SERPINB5: variants seen among roughly 807,000 people sequenced by gnomAD.
The protein encoded by SERPINB5 is serpin family B member 5, also known as serpin B5.
A neutral mutation model predicts 32.2 loss-of-function variants in SERPINB5; 27 were observed. The observed-to-expected ratio is 0.84, with a 90% CI of 0.62 to 1.16. SERPINB5 has a LOEUF of 1.16. Among genes scored for constraint, SERPINB5 ranks in the 50% most tolerant of loss-of-function variants. SERPINB5 has a pLI of 0.00. For missense variants in SERPINB5, 388 were observed against 436.3 expected (o/e 0.89, Z 0.99); for synonymous variants, 154 against 157.4 (o/e 0.98, Z 0.16).
intron 6 of SERPINB5, among the ~76,000 whole-genome samples, chr18:63,501,638 G>A (rs1909573964): frequency 1.3e-5 from 2 of 152,182 alleles, no homozygotes; most frequent in Admixed American, 6.5e-5. Flanking sequence ...CACAGTGGTT[G>A]AACTTGTTTA....
At chr18:63,490,612 C>T (rs148104061) in intron 4 of SERPINB5, 46 of 152,310 alleles carry the variant, frequency 3.0e-4, no homozygotes, top group African/African-American at 9.4e-4. Context: ...CTGGCGCCCC[C>T]AGCTACTCTG....
chr18:63,484,977 T>G (rs535940085), intron 2 of SERPINB5, among the ~76,000 whole-genome samples: 38 of 152,126 alleles, frequency 2.5e-4, no homozygotes, highest in Admixed American at 4.6e-4. Context: ...TGACTTCAGG[T>G]GATCCGCCTG....
At chr18:63,483,237 A>G (rs949397179) in intron 1 of SERPINB5, among the ~76,000 whole-genome samples, 4 of 152,194 alleles carry the variant, frequency 2.6e-5, no homozygotes, top group South Asian at 2.1e-4. Context: ...TACTTATTAT[A>G]CCACTCACAT....
intron 4 of SERPINB5, among the ~76,000 whole-genome samples, chr18:63,491,572 T>G (rs6567362): frequency 0.5 from 75,069 of 150,918 alleles, 20,322 homozygotes; most frequent in Non-Finnish European, 0.62. Flanking sequence ...CCTCCCAGGT[T>G]CAAGGGATTC....
chr18:63,478,649 T>G (rs377075039), intron 1 of SERPINB5, among the ~76,000 whole-genome samples: 12 of 152,218 alleles, frequency 7.9e-5, no homozygotes, highest in African/African-American at 2.9e-4. Flanking sequence ...CCCTAAGGAC[T>G]GGTTATACCA....
chr18:63,493,441 G>C, intron 5 of SERPINB5: 1 of 496,304 alleles, frequency 2.0e-6, no homozygotes, highest in Admixed American at 3.7e-5. Context: ...AGAGGACTTT[G>C]GATTATCATG....
At chr18:63,496,265 T>G (rs1310325357) in intron 5 of SERPINB5, among the ~76,000 whole-genome samples, 1 of 152,204 alleles carries the variant, frequency 6.6e-6, no homozygotes, top group East Asian at 1.9e-4. Flanking sequence ...GTTGGAGATT[T>G]TTAGACAAAT....
chr18:63,478,758 G>GTTTTTTTTTTTTTTTTT (rs10669993), intron 1 of SERPINB5, among the ~76,000 whole-genome samples: 3 of 135,380 alleles, frequency 2.2e-5, no homozygotes, highest in Non-Finnish European at 4.6e-5. Context: ...TAAAAACGTA[G>GTTTTTTTTTTTTTTTTT]TTTTTTTTTT....
At chr18:63,502,007 T>G (rs1337768759) in intron 6 of SERPINB5, among the ~76,000 whole-genome samples, 5 of 152,204 alleles carry the variant, frequency 3.3e-5, no homozygotes, top group African/African-American at 1.2e-4. Context: ...CTGTTCACTC[T>G]GATGGTAGTT....
chr18:63,493,110 A>T lies in SERPINB5; in HGVS notation c.567+15A>T. The T allele has an allele frequency of 6.2e-7, 1 of 1,614,180 alleles. No individual in the cohort carries two copies. Among genetic ancestry groups the T allele is most frequent in the Non-Finnish European group, 8.5e-7 (1 of 1,180,026 alleles). On this transcript the variant is annotated intron_variant, in intron 5 of 6. Coordinates refer to ENST00000382771, the MANE Select transcript of SERPINB5 (RefSeq NM_002639.5). Reference sequence around the variant, plus strand: ...GAGTCAACAAGGTATGTGGGGCAGCATGTAGCAGTAAAAGGAGCCCAATTA... The same window carrying T: ...GAGTCAACAAGGTATGTGGGGCAGCTTGTAGCAGTAAAAGGAGCCCAATTA...
At chr18:63,480,985 G>C (rs752588902) in intron 1 of SERPINB5, among the ~76,000 whole-genome samples, 2 of 152,170 alleles carry the variant, frequency 1.3e-5, no homozygotes, top group Non-Finnish European at 2.9e-5. Context: ...ATCTCTTTGC[G>C]TTCATGCACT....
intron 1 of SERPINB5, among the ~76,000 whole-genome samples, chr18:63,481,993 T>C (rs1368438670): frequency 6.6e-6 from 1 of 152,184 alleles, no homozygotes; most frequent in Admixed American, 6.5e-5. Context: ...CCTGAGCGCA[T>C]GGCTGTACTT....
chr18:63,482,449 G>A (rs1166849309), intron 1 of SERPINB5, among the ~76,000 whole-genome samples: 9 of 152,152 alleles, frequency 5.9e-5, no homozygotes, highest in African/African-American at 2.2e-4. Context: ...GGAACACTTC[G>A]AGTTTAATCC....
chr18:63,493,526 C>T lies in SERPINB5; in HGVS notation c.567+431C>T, dbSNP rs969207961. 3.1e-5 allele frequency: 10 copies of T among 326,768 alleles called. 1 individual carries two copies. The South Asian group carries it at 5.8e-4, about 19-fold the overall frequency. The allele number at this position is 326,768 out of a possible 1,614,324, so 20.2% of individuals were successfully genotyped here. Reference sequence around the variant, plus strand: ...ATCTCATTTCCTTATCGGTTGATAGCGAAGTATATTGTTCTGGGATTTTAA... The same window carrying T: ...ATCTCATTTCCTTATCGGTTGATAGTGAAGTATATTGTTCTGGGATTTTAA... On this transcript the variant is annotated intron_variant, in intron 5 of 6. Coordinates refer to ENST00000382771, the MANE Select transcript of SERPINB5 (RefSeq NM_002639.5).
intron 5 of SERPINB5, chr18:63,497,046 G>A (rs1909462135): frequency 7.1e-6 from 4 of 564,318 alleles, no homozygotes; most frequent in Admixed American, 1.9e-5. Flanking sequence ...TTGTACTAGG[G>A]GTCTAATCCG....
intron 5 of SERPINB5, 148 bp downstream of exon 5, chr18:63,493,243 A>G: frequency 1.0e-6 from 1 of 985,038 alleles, no homozygotes; most frequent in Non-Finnish European, 1.6e-6. Context: ...GCTGGAAGGT[A>G]AGTGGTACAA....
At chr18:63,485,211 GT>G (rs1260362896) in intron 2 of SERPINB5, among the ~76,000 whole-genome samples, 4 of 152,144 alleles carry the variant, frequency 2.6e-5, no homozygotes, top group Non-Finnish European at 5.9e-5. Flanking sequence ...AGCAGCATCT[GT>G]ATCGTTTTAG....
chr18:63,482,346 T>A (rs557238712), intron 1 of SERPINB5, among the ~76,000 whole-genome samples: 63 of 152,208 alleles, frequency 4.1e-4, no homozygotes, highest in Non-Finnish European at 8.7e-4. Context: ...GCAGTGGAGC[T>A]TACTTTCTAA....
intron 5 of SERPINB5, 48 bp from the exon 6 acceptor site, chr18:63,499,072 T>C: frequency 9.7e-7 from 1 of 1,029,612 alleles, no homozygotes; most frequent in Non-Finnish European, 1.4e-6. Flanking sequence ...TATATATTTA[T>C]GCATGTGTAA....
Sources: gnomAD v4.1 joint callset for allele counts (sites outside exome capture counted in the v4.1 genomes callset) on GRCh38, gnomAD v4.1.1 for gene constraint, MANE v1.5 for transcripts, NCBI Gene and HGNC (gene_info 2026-07-23, HGNC 2026-07-21) for gene names.